Variants in CNKSR2 observed in about 807,000 individuals in gnomAD.
The protein encoded by CNKSR2 is connector enhancer of kinase suppressor of Ras 2, also known as CNK homolog protein 2.
Under a neutral mutation model 84.4 loss-of-function variants are expected in CNKSR2, and 14 were observed. The ratio of observed to expected loss-of-function variants is 0.17; its 90% CI spans 0.11 to 0.26. The LOEUF is 0.26. CNKSR2 is among the 10% of genes least tolerant of loss of function. The pLI is 1.00. For synonymous variants in CNKSR2, 275 were observed against 277.9 expected, an observed-to-expected ratio of 0.99 and a Z score of 0.10; for missense variants, 485 against 771.2, an observed-to-expected ratio of 0.63 and a Z score of 4.40.
At chrX:21,417,265 G>T (rs2090435386) in intron 1 of CNKSR2, among the ~76,000 whole-genome samples, 1 of 111,631 alleles carries the variant, frequency 9.0e-6, no homozygotes. Context: ...TTATTCTTTT[G>T]TAGTCAGAGA....
chrX:21,548,338 T>G (rs968906751), intron 11 of CNKSR2, among the ~76,000 whole-genome samples: 1 of 111,801 alleles, frequency 8.9e-6, no homozygotes, highest in African/African-American at 3.3e-5. Context: ...GGTAAATTCC[T>G]GGAGACATGA....
intron 4 of CNKSR2, among the ~76,000 whole-genome samples, chrX:21,451,324 T>G (rs1287457931): frequency 9.0e-6 from 1 of 111,063 alleles, no homozygotes; most frequent in Non-Finnish European, 1.9e-5. Flanking sequence ...GAAATACCAT[T>G]TGACCCAGCC....
At chrX:21,561,152 G>A (rs1256732509) in intron 11 of CNKSR2, among the ~76,000 whole-genome samples, 3 of 99,965 alleles carry the variant, frequency 3.0e-5, no homozygotes, top group African/African-American at 1.1e-4. Context: ...TCCAGTTACT[G>A]AGTAAAATCA....
In CNKSR2 at chrX:21,450,033, C is replaced by T. The variant is rs147462403; in HGVS notation, c.519+9252C>T. Among the ~76,000 whole-genome samples the T allele has an allele frequency of 7.0e-3, 780 of 110,646 alleles. 2 individuals are homozygous for T. Among genetic ancestry groups the T allele is most frequent in the African/African-American group, 0.025 (745 of 30,058 alleles). On this transcript the variant is annotated intron_variant, in intron 4 of 21. Coordinates refer to ENST00000379510, the MANE Select transcript of CNKSR2 (RefSeq NM_014927.5). ...ACAATATTTTTTATTTGAATGTAACCTCTCTCTCCTCAATACTGAAGTGTG... is the reference window on the plus strand; with the variant it reads ...ACAATATTTTTTATTTGAATGTAACTTCTCTCTCCTCAATACTGAAGTGTG...
Position 21,473,266 on chromosome X carries a change from T to C in CNKSR2, c.561+2459T>C, listed in dbSNP as rs2091219983. Among the ~76,000 whole-genome samples the C allele has an allele frequency of 3.6e-5, 4 of 112,183 alleles. No individual in the cohort carries two copies. The South Asian group carries it at 1.5e-3, about 41-fold the overall frequency. ...ATCTCAGAAAGCACTTGTCTTTTCA[T>C]GTTATTCTTCTACTTCCCATCCTGA... On this transcript the variant is annotated intron_variant, in intron 5 of 21. Coordinates refer to ENST00000379510, the MANE Select transcript of CNKSR2 (RefSeq NM_014927.5).
At chrX:21,486,495 A>G (rs1380247777) in intron 5 of CNKSR2, among the ~76,000 whole-genome samples, 1 of 112,197 alleles carries the variant, frequency 8.9e-6, no homozygotes, top group Non-Finnish European at 1.9e-5. Context: ...TTAGGAATTC[A>G]AGTCCTTCTG....
chrX:21,565,381 G>A (rs1437056390), intron 13 of CNKSR2, among the ~76,000 whole-genome samples: 2 of 111,632 alleles, frequency 1.8e-5, no homozygotes, highest in Non-Finnish European at 3.8e-5. Flanking sequence ...GAATATTTTT[G>A]AGGAGTATAA....
At chrX:21,541,555 T>C (rs760460291) in intron 11 of CNKSR2, among the ~76,000 whole-genome samples, 1 of 111,598 alleles carries the variant, frequency 9.0e-6, no homozygotes, top group Non-Finnish European at 1.9e-5. Flanking sequence ...TCCTTCAATA[T>C]CATTTTGTTA....
At chrX:21,461,532 T>A (rs1309661923) in intron 4 of CNKSR2, among the ~76,000 whole-genome samples, 1 of 111,901 alleles carries the variant, frequency 8.9e-6, no homozygotes, top group Non-Finnish European at 1.9e-5. Flanking sequence ...AGAAGCTTTT[T>A]AACTTGATGT....
intron 4 of CNKSR2, among the ~76,000 whole-genome samples, chrX:21,467,668 GTTTAT>G (rs1196924569): frequency 9.2e-6 from 1 of 109,093 alleles, no homozygotes; most frequent in Non-Finnish European, 1.9e-5. Context: ...ATTTAGTTTT[GTTTAT>G]TTTAAATAGT....
intron 13 of CNKSR2, among the ~76,000 whole-genome samples, chrX:21,577,731 C>T (rs748021455): frequency 9.1e-6 from 1 of 110,452 alleles, no homozygotes; most frequent in Non-Finnish European, 1.9e-5. Context: ...TATCTTACCC[C>T]TAGAATTCTT....
intron 6 of CNKSR2, chrX:21,495,801 A>C (rs1421106524): frequency 5.4e-5 from 5 of 93,235 alleles, no homozygotes; most frequent in African/African-American, 1.2e-4. Flanking sequence ...AAAAAAAAAA[A>C]AAAAAAAAAA....
chrX:21,445,982 T>A (rs1368279929), intron 4 of CNKSR2, among the ~76,000 whole-genome samples: 1 of 111,729 alleles, frequency 9.0e-6, no homozygotes, highest in Non-Finnish European at 1.9e-5. Flanking sequence ...GATTGCTGGA[T>A]CATATGATAG....
At chrX:21,557,758 T>A (rs149500172) in intron 11 of CNKSR2, among the ~76,000 whole-genome samples, 5,616 of 111,348 alleles carry the variant, frequency 0.05, 132 homozygotes, top group African/African-American at 0.084. Flanking sequence ...ATTCTTATCA[T>A]GAATTAGTAA....
At position 21,374,612 on chromosome X, in the gene CNKSR2, A is replaced by AGCCGCAGCAGCCGCAGCAGCC. The variant is rs1569131164; in HGVS notation, c.-284_-283insCGCAGCAGCCGCAGCAGCCGC. The AGCCGCAGCAGCCGCAGCAGCC allele has an allele frequency of 8.0e-6, 4 of 500,392 alleles. No homozygotes were observed. In the African/African-American group the frequency reaches 9.8e-5, roughly 12 times the overall value. 41.2% of individuals were successfully genotyped at this position (500,392 alleles called of 1,213,427 possible). A position where few individuals can be genotyped will look rare whatever the true frequency, so the allele number is the denominator to read the frequency against. The stretch of plus-strand genomic sequence containing the variant: ...CGGCGGAGGCAGCAGCAGCAGCAGC[A>AGCCGCAGCAGCCGCAGCAGCC]GCAGCAGCAGCAGCAGCAGCCGCCG... On this transcript the variant is annotated 5_prime_UTR_variant, in exon 1 of 22. Transcript: ENST00000379510.
At chrX:21,548,442 C>A (rs778886737) in intron 11 of CNKSR2, among the ~76,000 whole-genome samples, 4 of 110,906 alleles carry the variant, frequency 3.6e-5, no homozygotes, top group African/African-American at 9.8e-5. Flanking sequence ...GCCTATCAAC[C>A]AAAAAAAGCC....
intron 20 of CNKSR2, among the ~76,000 whole-genome samples, chrX:21,618,378 G>A (rs2092587681): frequency 9.0e-6 from 1 of 111,383 alleles, no homozygotes; most frequent in Admixed American, 9.5e-5. Context: ...CCACTACTAT[G>A]TCATTCAATA....
intron 5 of CNKSR2, among the ~76,000 whole-genome samples, chrX:21,489,328 G>T (rs2091419262): frequency 9.0e-6 from 1 of 111,603 alleles, no homozygotes; most frequent in African/African-American, 3.3e-5. Flanking sequence ...GATATTTTGG[G>T]TTAACACTGT....
At chrX:21,566,629 G>T (rs1363399291) in intron 13 of CNKSR2, among the ~76,000 whole-genome samples, 1 of 111,751 alleles carries the variant, frequency 8.9e-6, no homozygotes, top group East Asian at 2.8e-4. Flanking sequence ...CTAGCTCTAT[G>T]TAATCTAAAG....
Sources: allele counts gnomAD v4.1 joint callset (sites outside exome capture counted in the v4.1 genomes callset), GRCh38; gene constraint gnomAD v4.1.1; transcripts MANE v1.5; gene names NCBI Gene and HGNC (gene_info 2026-07-23, HGNC 2026-07-21).